The following HECW1 variants were observed in gnomAD, a reference collection of about 807,000 sequenced individuals.
HECW1 encodes HECT, C2 and WW domain containing E3 ubiquitin protein ligase 1, also known as E3 ubiquitin-protein ligase HECW1.
Under a neutral mutation model 182.3 loss-of-function variants are expected in HECW1, and 61 were observed. The observed-to-expected ratio is 0.33, with a 90% CI of 0.27 to 0.41. The LOEUF (loss-of-function observed/expected upper bound fraction) is 0.41, where lower values mean the gene tolerates loss of function less well. Ranked by LOEUF, HECW1 falls within the 10% of genes least tolerant of loss-of-function variation. The pLI, the probability that HECW1 is intolerant of heterozygous loss-of-function variation, is 1.00. For missense variants in HECW1, 1,739 were observed against 2,108.9 expected (o/e 0.82, Z 3.44); for synonymous variants, 859 against 832.6 (o/e 1.03, Z -0.55).
chr7:43,125,357 G>A (rs746624574), intron 2 of HECW1, among the ~76,000 whole-genome samples: 1 of 152,194 alleles, frequency 6.6e-6, no homozygotes, highest in African/African-American at 2.4e-5. Context: ...TGGCAGAGGG[G>A]CTTGGCACCT....
At chr7:43,209,104 C>A (rs750802870) in intron 2 of HECW1, among the ~76,000 whole-genome samples, 1 of 152,088 alleles carries the variant, frequency 6.6e-6, no homozygotes, top group Non-Finnish European at 1.5e-5. Flanking sequence ...GGCAGCCTTT[C>A]ATGCCAGCTC....
intron 5 of HECW1, among the ~76,000 whole-genome samples, chr7:43,343,274 T>G (rs868535164): frequency 6.6e-6 from 1 of 151,570 alleles, no homozygotes; most frequent in African/African-American, 2.4e-5. Context: ...ATTCTTTTTT[T>G]TTTTTTTAAT....
chr7:43,442,042 T>C (rs1331001068), intron 9 of HECW1, among the ~76,000 whole-genome samples: 3 of 152,242 alleles, frequency 2.0e-5, no homozygotes, highest in Admixed American at 2.0e-4. Flanking sequence ...CACGATACTT[T>C]CGTGAAGCTG....
chr7:43,452,771 G>T (rs2077276617), intron 12 of HECW1, among the ~76,000 whole-genome samples: 1 of 152,188 alleles, frequency 6.6e-6, no homozygotes, highest in African/African-American at 2.4e-5. Flanking sequence ...GGGGGTGGCT[G>T]GTTTGCAGTT....
At chr7:43,429,752 T>C (rs1465649937) in intron 8 of HECW1, among the ~76,000 whole-genome samples, 2 of 152,232 alleles carry the variant, frequency 1.3e-5, no homozygotes, top group Non-Finnish European at 2.9e-5. Flanking sequence ...GAAAGCACCA[T>C]GTCCAGTCCA....
intron 4 of HECW1, among the ~76,000 whole-genome samples, chr7:43,315,262 C>A (rs1037319252): frequency 2.4e-4 from 36 of 152,200 alleles, no homozygotes; most frequent in Non-Finnish European, 4.1e-4. Context: ...CTGTATAAGG[C>A]ACAAACAGAA....
In HECW1 at chr7:43,491,499, A is replaced by G. The variant is rs10281533; in HGVS notation, c.3235-576A>G. Among the ~76,000 whole-genome samples, 435 of 152,346 alleles carry G rather than the reference A, an allele frequency of 2.9e-3. 6 individuals are homozygous for G. In the East Asian group the frequency reaches 0.034, roughly 12 times the overall value. Reference sequence around the variant, plus strand: ...GGAAAGTTATAGGCGTACCTTACCAATGATATTTATCTAGGATTTATCTCT... The same window carrying G: ...GGAAAGTTATAGGCGTACCTTACCAGTGATATTTATCTAGGATTTATCTCT... On this transcript the variant is annotated intron_variant, in intron 17 of 29. Coordinates refer to ENST00000395891, the MANE Select transcript of HECW1 (RefSeq NM_015052.5).
intron 2 of HECW1, among the ~76,000 whole-genome samples, chr7:43,126,868 C>CATGGCGAACTCAATCAATA (rs1412808646): frequency 1.3e-5 from 2 of 152,222 alleles, no homozygotes; most frequent in African/African-American, 4.8e-5. Flanking sequence ...ACACATATAA[C>CATGGCGAACTCAATCAATA]ATGGCGAACT....
chr7:43,179,070 G>T (rs1236235132), intron 2 of HECW1, among the ~76,000 whole-genome samples: 2 of 152,200 alleles, frequency 1.3e-5, no homozygotes, highest in Non-Finnish European at 2.9e-5. Flanking sequence ...CGAGGAAAAA[G>T]AAAGCATTTT....
chr7:43,130,698 TCAG>T (rs1786816769), intron 2 of HECW1, among the ~76,000 whole-genome samples: 1 of 152,308 alleles, frequency 6.6e-6, no homozygotes, highest in Admixed American at 6.5e-5. Flanking sequence ...ACAACAAACA[TCAG>T]CAGGCTGGAT....
chr7:43,410,304 G>A (rs1223188097), intron 8 of HECW1, among the ~76,000 whole-genome samples: 1 of 152,162 alleles, frequency 6.6e-6, no homozygotes, highest in African/African-American at 2.4e-5. Context: ...GGATGCAGAT[G>A]GCTGCCTTCT....
intron 2 of HECW1, among the ~76,000 whole-genome samples, chr7:43,135,302 G>C (rs903937522): frequency 6.6e-6 from 1 of 152,090 alleles, no homozygotes; most frequent in African/African-American, 2.4e-5. Context: ...AAGGGGAGAT[G>C]ACTCATCTGA....
intron 18 of HECW1, 118 bp downstream of exon 18, chr7:43,492,298 C>A: frequency 1.4e-6 from 1 of 699,180 alleles, no homozygotes; most frequent in South Asian, 1.8e-5. Context: ...TTCTGTCTTT[C>A]CTTTCTCCTC....
intron 26 of HECW1, among the ~76,000 whole-genome samples, chr7:43,549,697 A>T (rs2081721533): frequency 6.6e-6 from 1 of 152,156 alleles, no homozygotes; most frequent in Admixed American, 6.5e-5. Context: ...GTGTGCCTAC[A>T]TGCTTCTGGT....
intron 2 of HECW1, among the ~76,000 whole-genome samples, chr7:43,159,535 G>T (rs1331396209): frequency 6.6e-6 from 1 of 152,004 alleles, no homozygotes; most frequent in African/African-American, 2.4e-5. Context: ...TTGGGCACAG[G>T]TATATGCACA....
At chr7:43,406,506 C>T (rs2075614790) in intron 7 of HECW1, among the ~76,000 whole-genome samples, 1 of 152,196 alleles carries the variant, frequency 6.6e-6, no homozygotes, top group Non-Finnish European at 1.5e-5. Flanking sequence ...CCCCTCACAA[C>T]TTAAACCATG....
chr7:43,456,249 C>T, intron 12 of HECW1, 48 bp from the exon 13 acceptor site: 1 of 1,566,878 alleles, frequency 6.4e-7, no homozygotes, highest in South Asian at 1.2e-5. Context: ...TCACGTGGGT[C>T]AGTAGTTTGT....
intron 2 of HECW1, among the ~76,000 whole-genome samples, chr7:43,117,443 G>C (rs866485632): frequency 8.3e-6 from 1 of 120,054 alleles, no homozygotes; most frequent in Non-Finnish European, 1.6e-5. Flanking sequence ...CCCCACCAAA[G>C]GCAGGAGTCA....
chr7:43,297,772 T>A (rs2152760442), intron 3 of HECW1, among the ~76,000 whole-genome samples: 1 of 151,476 alleles, frequency 6.6e-6, no homozygotes, highest in Admixed American at 6.6e-5. Flanking sequence ...GTGATTTTTC[T>A]AAAAAAAAAC....
Sources: allele counts gnomAD v4.1 joint callset (sites outside exome capture counted in the v4.1 genomes callset), GRCh38; gene constraint gnomAD v4.1.1; transcripts MANE v1.5; gene names NCBI Gene and HGNC (gene_info 2026-07-23, HGNC 2026-07-21).